The following WWOX variants were observed in gnomAD, a reference collection of about 807,000 sequenced individuals.
WWOX encodes WW domain-containing oxidoreductase.
In WWOX, 69 loss-of-function variants were observed where a neutral mutation model predicts 46.2. That is an observed-to-expected ratio of 1.49 (90% confidence interval 1.23 to 1.82). The LOEUF is 1.82. Among genes scored for constraint, WWOX ranks in the 40% most tolerant of loss-of-function variants. The pLI, the probability that WWOX is intolerant of heterozygous loss-of-function variation, is 0.00. For missense variants in WWOX, 919 were observed against 542.6 expected, an observed-to-expected ratio of 1.69 and a Z score of -6.89; for synonymous variants, 359 against 202.6, an observed-to-expected ratio of 1.77 and a Z score of -6.56.
chr16:78,211,659 C>T (rs1437876766), intron 5 of WWOX, among the ~76,000 whole-genome samples: 1 of 152,158 alleles, frequency 6.6e-6, no homozygotes, highest in African/African-American at 2.4e-5. Flanking sequence ...TGTGCTAACT[C>T]TGTTACCAAC....
intron 8 of WWOX, among the ~76,000 whole-genome samples, chr16:78,636,200 A>G (rs575211939): frequency 5.4e-4 from 82 of 152,290 alleles, no homozygotes; most frequent in Non-Finnish European, 8.5e-4. Context: ...AGGACTAGAC[A>G]TATTAGAGAC....
rs534760495 is a variant in WWOX at position 78,113,486 on chromosome 16, GGCC to G, written c.231-1489_231-1487del. Among the ~76,000 whole-genome samples the G allele has an allele frequency of 3.8e-3, 581 of 152,312 alleles. 5 individuals carry two copies. The highest frequency in any genetic ancestry group is 0.014 in the African/African-American group (568 of 41,548). On this transcript the variant is annotated intron_variant, in intron 3 of 8. Transcript: ENST00000566780. ...ACTTTATTTACAGAAACAGGCAGTG[GGCC>G]AGATTTGGCCAGCTCCTGGTCTAAT...
intron 8 of WWOX, among the ~76,000 whole-genome samples, chr16:78,913,842 G>A (rs547136689): frequency 1.3e-5 from 2 of 151,750 alleles, no homozygotes; most frequent in African/African-American, 2.4e-5. Flanking sequence ...TGTATTTTTT[G>A]TAGATACGGG....
intron 8 of WWOX, among the ~76,000 whole-genome samples, chr16:79,056,651 A>G (rs1323498797): frequency 6.6e-6 from 1 of 152,124 alleles, no homozygotes; most frequent in Non-Finnish European, 1.5e-5. Flanking sequence ...CCCTCTTGTC[A>G]CAAACACAAA....
intron 8 of WWOX, among the ~76,000 whole-genome samples, chr16:78,450,486 A>T (rs1302687209): frequency 6.6e-6 from 1 of 152,226 alleles, no homozygotes; most frequent in African/African-American, 2.4e-5. Context: ...TCTTTCAGAG[A>T]AAAGTTATAA....
chr16:78,957,479 T>C (rs2046190809), intron 8 of WWOX, among the ~76,000 whole-genome samples: 1 of 152,210 alleles, frequency 6.6e-6, no homozygotes, highest in African/African-American at 2.4e-5. Flanking sequence ...ATGTCGCCTG[T>C]GTTTGGGGCT....
intron 8 of WWOX, among the ~76,000 whole-genome samples, chr16:78,695,875 GC>G (rs1473459106): frequency 1.9e-4 from 29 of 152,334 alleles, no homozygotes; most frequent in African/African-American, 7.0e-4. Flanking sequence ...CCTTAAAGGG[GC>G]TGCACTGAAT....
chr16:78,813,928 G>T (rs897660264), intron 8 of WWOX, among the ~76,000 whole-genome samples: 6 of 152,260 alleles, frequency 3.9e-5, no homozygotes, highest in African/African-American at 1.4e-4. Flanking sequence ...AGAGGCCCCA[G>T]TGTTAACCTT....
At chr16:78,144,670 G>A (rs994685482) in intron 4 of WWOX, among the ~76,000 whole-genome samples, 10 of 149,718 alleles carry the variant, frequency 6.7e-5, no homozygotes, top group Non-Finnish European at 1.0e-4. Context: ...ACAGGTGCAC[G>A]CTACCATGCC....
chr16:78,178,972 G>T (rs1191908496), intron 5 of WWOX, among the ~76,000 whole-genome samples: 1 of 152,128 alleles, frequency 6.6e-6, no homozygotes, highest in African/African-American at 2.4e-5. Flanking sequence ...ATGTTTACAT[G>T]GGGCTGTGGA....
chr16:78,931,133 A>G (rs1454304777), intron 8 of WWOX, among the ~76,000 whole-genome samples: 1 of 152,224 alleles, frequency 6.6e-6, no homozygotes, highest in African/African-American at 2.4e-5. Context: ...AAAAGGTCCT[A>G]TCATTGTCCT....
At chr16:78,474,211 C>A in intron 8 of WWOX, among the ~76,000 whole-genome samples, 1 of 152,216 alleles carries the variant, frequency 6.6e-6, no homozygotes, top group East Asian at 1.9e-4. Flanking sequence ...ACACCTCTCA[C>A]ATTGTTAGAA....
chr16:78,251,337 C>G (rs956994940), intron 5 of WWOX, among the ~76,000 whole-genome samples: 1 of 152,180 alleles, frequency 6.6e-6, no homozygotes, highest in Non-Finnish European at 1.5e-5. Context: ...CATCTGGTCC[C>G]TTAATGAATA....
At chr16:79,134,317 T>C (rs2150702472) in intron 8 of WWOX, among the ~76,000 whole-genome samples, 1 of 152,058 alleles carries the variant, frequency 6.6e-6, no homozygotes, top group East Asian at 1.9e-4. Flanking sequence ...AAGACAGTTG[T>C]AGGTAAAGAA....
chr16:78,357,746 T>C (rs555972555), intron 5 of WWOX, among the ~76,000 whole-genome samples: 2 of 152,296 alleles, frequency 1.3e-5, no homozygotes, highest in Admixed American at 6.5e-5. Flanking sequence ...ACATATTTAT[T>C]ACCTAATTTA....
chr16:79,027,458 A>T (rs2047668589), intron 8 of WWOX, among the ~76,000 whole-genome samples: 1 of 151,658 alleles, frequency 6.6e-6, no homozygotes, highest in African/African-American at 2.4e-5. Flanking sequence ...CACCCTGTTT[A>T]TTGATACTAA....
intron 4 of WWOX, among the ~76,000 whole-genome samples, chr16:78,147,601 A>G (rs1486228011): frequency 6.6e-6 from 1 of 151,952 alleles, no homozygotes; most frequent in African/African-American, 2.4e-5. Flanking sequence ...TTCAAGAGGC[A>G]AAGTAATATA....
chr16:78,881,139 C>T (rs1164131712), intron 8 of WWOX, among the ~76,000 whole-genome samples: 1 of 151,762 alleles, frequency 6.6e-6, no homozygotes, highest in Non-Finnish European at 1.5e-5. Context: ...ACCACAGGGG[C>T]ACACCACCAT....
Position 78,509,227 on chromosome 16 carries a change from T to C in WWOX, c.1056+76475T>C, listed in dbSNP as rs192109959. Among the ~76,000 whole-genome samples, 415 of 152,204 alleles carry C rather than the reference T, an allele frequency of 2.7e-3. 5 individuals are homozygous for C. The highest frequency in any genetic ancestry group is 9.1e-3 in the African/African-American group (380 of 41,536). ...GCCAAGGCAGGCAGATCACCTGAGG[T>C]CAGAAATTCAAGACCAGCCTGGCCA... is the stretch of plus-strand genomic sequence containing the variant. On this transcript the variant is annotated intron_variant, in intron 8 of 8. Transcript: ENST00000566780.
Sources: gnomAD v4.1 joint callset for allele counts (sites outside exome capture counted in the v4.1 genomes callset) on GRCh38, gnomAD v4.1.1 for gene constraint, MANE v1.5 for transcripts, NCBI Gene and HGNC (gene_info 2026-07-23, HGNC 2026-07-21) for gene names.